Variants in PRSS23 observed in about 807,000 individuals in gnomAD.
The protein encoded by PRSS23 is serine protease 23, also known as protease, serine 23.
Under a neutral mutation model 34.7 loss-of-function variants are expected in PRSS23, and 25 were observed. The observed-to-expected ratio is 0.72, with a 90% CI of 0.53 to 1.01. The LOEUF (loss-of-function observed/expected upper bound fraction) is 1.01, where lower values mean the gene tolerates loss of function less well. PRSS23 is among the 50% of genes least tolerant of loss of function. PRSS23 has a pLI of 0.00. For synonymous variants in PRSS23, 176 were observed against 186.6 expected, an observed-to-expected ratio of 0.94 and a Z score of 0.46; for missense variants, 445 against 475.6, an observed-to-expected ratio of 0.94 and a Z score of 0.60.
At chr11:86,879,527 G>A (rs1349509076) in intron 2 of PRSS23, among the ~76,000 whole-genome samples, 6 of 140,422 alleles carry the variant, frequency 4.3e-5, no homozygotes, top group East Asian at 2.2e-4. Flanking sequence ...CCGGCCAGCC[G>A]CCCCGTCCGG....
At chr11:86,939,432 T>TTTTTTAAA (rs1555084024) in intron 2 of PRSS23, among the ~76,000 whole-genome samples, 2 of 111,644 alleles carry the variant, frequency 1.8e-5, no homozygotes, top group Admixed American at 9.8e-5. Flanking sequence ...ATATATTTTT[T>TTTTTTAAA]AACATGAGTA....
At chr11:86,913,815 G>A (rs1372353831) in intron 2 of PRSS23, among the ~76,000 whole-genome samples, 1 of 151,494 alleles carries the variant, frequency 6.6e-6, no homozygotes, top group Non-Finnish European at 1.5e-5. Context: ...AAGTGGACCA[G>A]AGGTTGAACC....
intron 2 of PRSS23, among the ~76,000 whole-genome samples, chr11:86,890,654 T>C (rs540303566): frequency 5.2e-4 from 79 of 152,264 alleles, no homozygotes; most frequent in African/African-American, 1.4e-3. Flanking sequence ...TACACGGGAT[T>C]GAGGCCCTAA....
intron 2 of PRSS23, among the ~76,000 whole-genome samples, chr11:86,827,529 C>A (rs1948312295): frequency 6.6e-6 from 1 of 152,204 alleles, no homozygotes; most frequent in African/African-American, 2.4e-5. Flanking sequence ...TTCTTGCCTT[C>A]TGCTAGCTTT....
At chr11:86,849,829 G>T (rs748709502) in intron 2 of PRSS23, among the ~76,000 whole-genome samples, 40 of 151,994 alleles carry the variant, frequency 2.6e-4, no homozygotes, top group Admixed American at 9.2e-4. Context: ...GCATTCCCCT[G>T]CACTCTGACT....
intron 1 of PRSS23, among the ~76,000 whole-genome samples, chr11:86,793,558 G>A (rs1007860989): frequency 6.6e-6 from 1 of 152,184 alleles, no homozygotes; most frequent in East Asian, 1.9e-4. Context: ...GACATGAACT[G>A]TAAGGAAACA....
chr11:86,861,955 C>T (rs113584247), intron 2 of PRSS23, among the ~76,000 whole-genome samples: 11 of 151,928 alleles, frequency 7.2e-5, no homozygotes, highest in African/African-American at 2.7e-4. Context: ...AGGGGGTGTC[C>T]ACCCAGTTGT....
chr11:86,886,347 A>G (rs1948802113), intron 2 of PRSS23, among the ~76,000 whole-genome samples: 1 of 152,204 alleles, frequency 6.6e-6, no homozygotes, highest in East Asian at 1.9e-4. Flanking sequence ...CCCATGATGG[A>G]TCATTTGTAG....
At chr11:86,835,862 G>C (rs904762664) in intron 2 of PRSS23, among the ~76,000 whole-genome samples, 4 of 152,178 alleles carry the variant, frequency 2.6e-5, no homozygotes, top group African/African-American at 9.7e-5. Context: ...GCAGCTAAAA[G>C]TAAATCATCC....
intron 2 of PRSS23, among the ~76,000 whole-genome samples, chr11:86,874,600 T>C (rs1408039454): frequency 6.6e-6 from 1 of 152,214 alleles, no homozygotes; most frequent in African/African-American, 2.4e-5. Context: ...CCAAAACTAG[T>C]CGGAGTTTAC....
chr11:86,931,273 A>G (rs947917311), intron 2 of PRSS23, among the ~76,000 whole-genome samples: 1 of 152,252 alleles, frequency 6.6e-6, no homozygotes. Flanking sequence ...TGTTCACAAA[A>G]TATTTGTACA....
At chr11:86,930,747 G>C (rs1303454002) in intron 2 of PRSS23, among the ~76,000 whole-genome samples, 2 of 148,904 alleles carry the variant, frequency 1.3e-5, no homozygotes, top group African/African-American at 5.0e-5. Flanking sequence ...CCGAGATCGC[G>C]CCACTGCACT....
intron 2 of PRSS23, chr11:86,950,846 G>T (rs1484129017): frequency 6.4e-6 from 3 of 467,392 alleles, no homozygotes; most frequent in Non-Finnish European, 1.2e-5. Context: ...CTGGAATCTA[G>T]GCAGGACCTC....
chr11:86,820,760 T>G (rs1948245843), intron 1 of PRSS23, among the ~76,000 whole-genome samples: 1 of 152,194 alleles, frequency 6.6e-6, no homozygotes, highest in Admixed American at 6.5e-5. Context: ...AGAAAAACAT[T>G]TCTACCTCTT....
intron 2 of PRSS23, among the ~76,000 whole-genome samples, chr11:86,877,850 A>T (rs1948735147): frequency 1.8e-5 from 2 of 114,106 alleles, no homozygotes; most frequent in African/African-American, 8.2e-5. Context: ...CAACTTTTTC[A>T]TTTCTGCAAA....
At chr11:86,846,015 C>A (rs189899060) in intron 2 of PRSS23, among the ~76,000 whole-genome samples, 1 of 152,338 alleles carries the variant, frequency 6.6e-6, no homozygotes, top group African/African-American at 2.4e-5. Flanking sequence ...AATCTGGTAA[C>A]ATCTTCCCAC....
chr11:86,830,340 C>A (rs190601802), intron 2 of PRSS23, among the ~76,000 whole-genome samples: 1 of 152,158 alleles, frequency 6.6e-6, no homozygotes, highest in African/African-American at 2.4e-5. Flanking sequence ...TTAAGCCTGT[C>A]GGAAAAGCGC....
chr11:86,909,973 T>C (rs1350309641), intron 2 of PRSS23: 1 of 152,198 alleles, frequency 6.6e-6, no homozygotes, highest in Non-Finnish European at 1.5e-5. Flanking sequence ...TCATCAACAC[T>C]CTTTTCAAAA....
intron 2 of PRSS23, among the ~76,000 whole-genome samples, chr11:86,944,247 G>A (rs2135029753): frequency 6.6e-6 from 1 of 151,408 alleles, no homozygotes; most frequent in East Asian, 1.9e-4. Flanking sequence ...CTGTGTCTGT[G>A]TCCAAATTTC....
Sources: allele counts gnomAD v4.1 joint callset (sites outside exome capture counted in the v4.1 genomes callset), GRCh38; gene constraint gnomAD v4.1.1; transcripts MANE v1.5; gene names NCBI Gene and HGNC (gene_info 2026-07-23, HGNC 2026-07-21).